The following KRT7 variants were observed in gnomAD, a reference collection of about 807,000 sequenced individuals.
KRT7 encodes the protein keratin, type II cytoskeletal 7.
In KRT7, 50 loss-of-function variants were observed where a neutral mutation model predicts 42.8. The observed-to-expected ratio is 1.17, with a 90% CI of 0.93 to 1.48. The LOEUF (loss-of-function observed/expected upper bound fraction) is 1.48. Ranked by LOEUF, KRT7 falls within the 40% of genes most tolerant of loss-of-function variation. KRT7 has a pLI of 0.00. For synonymous variants in KRT7, 268 were observed against 266.3 expected (o/e 1.01, Z -0.06); for missense variants, 588 against 637.6 (o/e 0.92, Z 0.84).
chr12:52,237,095 T>C (rs769587317), intron 2 of KRT7, among the ~76,000 whole-genome samples: 2 of 152,234 alleles, frequency 1.3e-5, no homozygotes, highest in Non-Finnish European at 2.9e-5. Flanking sequence ...TGCCTCTCTG[T>C]GTCTCTGTTC....
Position 52,248,741 on chromosome 12 carries a change from G to T in KRT7, c.1391G>T (p.Arg464Leu), listed in dbSNP as rs111432010. ...TCCATCCGGACCGCATCCGCCAGTC[G>T]CAGGAGTGCCCGCGACTGAGCCGCC... ...AYSIRTASAS[R>L]RSARD The change falls in exon 9 of 9, where the codon CGC becomes CTC. Residue 464 changes from arginine (R) to leucine (L), a missense_variant. Arg to Leu is a moderately radical substitution (Grantham distance 102, BLOSUM62 -2). Transcript: ENST00000331817. The T allele has an allele frequency of 6.3e-7, 1 of 1,583,934 alleles. No individual in the cohort carries two copies. The highest frequency in any genetic ancestry group is 8.6e-7 in the Non-Finnish European group (1 of 1,166,600).
At position 52,241,591 on chromosome 12, in the gene KRT7, G is replaced by T. The variant is rs774325458; in HGVS notation, c.813G>T (p.Met271Ile). Residue 271 changes from methionine to isoleucine, a missense_variant, in exon 5 of 9, where the codon ATG becomes ATT. Met to Ile is a conservative substitution (Grantham distance 10). Coordinates refer to ENST00000331817, the MANE Select transcript of KRT7 (RefSeq NM_005556.4). Reference sequence around the variant, plus strand: ...AGGTCAAGGCGCAGTATGAGGAGATGGCCAAATGCAGCCGGGCTGAGGCTG... The same window carrying T: ...AGGTCAAGGCGCAGTATGAGGAGATTGCCAAATGCAGCCGGGCTGAGGCTG... ...IAEVKAQYEE[M>I]AKCSRAEAEA... The T allele has an allele frequency of 2.5e-6, 4 of 1,613,278 alleles. No homozygotes were observed. In the Admixed American group the frequency reaches 6.7e-5, roughly 27 times the overall value.
chr12:52,253,544 G>A (rs1018035504), downstream of KRT7: 4 of 1,601,450 alleles, frequency 2.5e-6, no homozygotes, highest in African/African-American at 1.3e-5. Flanking sequence ...TATTTAATAG[G>A]TACCTTGCAT....
chr12:52,254,190 A>G, downstream of KRT7: 1 of 584,242 alleles, frequency 1.7e-6, no homozygotes, highest in South Asian at 1.5e-5. Flanking sequence ...CCATAGGGTC[A>G]GAAGCTGAAT....
downstream of KRT7, chr12:52,255,339 G>A (rs749540702): frequency 1.3e-5 from 6 of 456,670 alleles, no homozygotes; most frequent in African/African-American, 4.0e-5. Flanking sequence ...AAGGATTCTG[G>A]GGTCACTCAC....
rs1404451239 is a variant in KRT7 at position 52,238,696 on chromosome 12, ACATGAG to A, written c.617_622del (p.Met206_Ser207del). ...AACCCCCAGGATGTGGATGCTGCCTACATGAGCAAGGTGGAGCTGGAGGCCAAGGTG... is the reference window on the plus strand; with the variant it reads ...AACCCCCAGGATGTGGATGCTGCCTACAAGGTGGAGCTGGAGGCCAAGGTG... On this transcript the variant is annotated inframe_deletion, in exon 4 of 9. Transcript: ENST00000331817. The A allele has an allele frequency of 1.2e-6, 2 of 1,613,388 alleles. No homozygotes were observed. The highest frequency in any genetic ancestry group is 2.2e-5 in the South Asian group (2 of 91,080).
intron 3 of KRT7, 163 bp downstream of exon 3, chr12:52,237,732 G>A (rs1172314395): frequency 1.1e-5 from 4 of 362,762 alleles, no homozygotes; most frequent in East Asian, 1.4e-4. Flanking sequence ...GTGTATGTGT[G>A]TGTGTGTGTG....
chr12:52,251,835 C>A (rs1272654453), downstream of KRT7: 1 of 361,192 alleles, frequency 2.8e-6, no homozygotes, highest in African/African-American at 2.1e-5. Flanking sequence ...TTTCTTGGAA[C>A]CCAGTCATAC....
intron 7 of KRT7, chr12:52,246,300 A>G (rs1440764668): frequency 6.6e-6 from 1 of 152,386 alleles, no homozygotes; most frequent in South Asian, 2.1e-4. Flanking sequence ...TTGGCTTGTT[A>G]TAAGACACCA....
At chr12:52,242,417 AC>A (rs1942105726) in intron 5 of KRT7, among the ~76,000 whole-genome samples, 1 of 152,116 alleles carries the variant, frequency 6.6e-6, no homozygotes, top group Non-Finnish European at 1.5e-5. Context: ...CATCACATCT[AC>A]TTCATGGTGG....
intron 2 of KRT7, among the ~76,000 whole-genome samples, chr12:52,237,099 T>C (rs1226167374): frequency 6.6e-6 from 1 of 152,254 alleles, no homozygotes; most frequent in Non-Finnish European, 1.5e-5. Context: ...TCTCTGTGTC[T>C]CTGTTCCCTT....
rs150775860 is a variant in KRT7, at chr12:52,242,192, C to G, written c.858+556C>G. ...TTCACCATGCTGGCCAGGCTGGTCT[C>G]AAACTCCTGACCTCAGGTGATCCAC... On this transcript the variant is annotated intron_variant, in intron 5 of 8. Transcript: ENST00000331817. 1.7e-3 allele frequency among the ~76,000 whole-genome samples: 260 copies of G among 152,190 alleles called. 2 individuals are homozygous for G. The East Asian group carries it at 0.033, about 19-fold the overall frequency.
downstream of KRT7, chr12:52,252,555 C>T: frequency 6.5e-7 from 1 of 1,544,612 alleles, no homozygotes; most frequent in South Asian, 1.2e-5. Flanking sequence ...CCACTGACCA[C>T]TGACTAGCAG....
chr12:52,254,194 G>A (rs1942307571), downstream of KRT7: 2 of 597,398 alleles, frequency 3.3e-6, no homozygotes, highest in Admixed American at 3.9e-5. Context: ...AGGGTCAGAA[G>A]CTGAATGGTG....
downstream of KRT7, among the ~76,000 whole-genome samples, chr12:52,250,942 C>T (rs904214384): frequency 1.3e-5 from 2 of 152,224 alleles, no homozygotes; most frequent in Non-Finnish European, 2.9e-5. Context: ...GCCTACTACA[C>T]ACCTGGGCTC....
downstream of KRT7, chr12:52,252,400 C>G (rs201771630): frequency 4.4e-3 from 7,032 of 1,614,136 alleles, 60 homozygotes; most frequent in Middle Eastern, 0.029. Flanking sequence ...CCCTCCAGCT[C>G]GGCCAGCTTG....
chr12:52,233,269 C>T lies in KRT7; in HGVS notation c.-28C>T, dbSNP rs1356644179. 14 of 1,501,354 alleles carry T rather than the reference C, an allele frequency of 9.3e-6. No individual in the cohort carries two copies. Among genetic ancestry groups the T allele is most frequent in the Non-Finnish European group, 1.2e-5 (14 of 1,129,574 alleles). The allele number at this position is 1,501,354 out of a possible 1,614,324, so 93.0% of individuals were successfully genotyped here. On this transcript the variant is annotated 5_prime_UTR_variant, in exon 1 of 9. Coordinates refer to ENST00000331817, the MANE Select transcript of KRT7 (RefSeq NM_005556.4). ...GCGAGTGCGCGCTCCTCCTCGCCCG[C>T]CGCTAGGTCCATCCCGGCCCAGCCA... is the stretch of plus-strand genomic sequence containing the variant.
At chr12:52,251,350 T>G (rs572564113), downstream of KRT7, among the ~76,000 whole-genome samples, 3 of 152,314 alleles carry the variant, frequency 2.0e-5, no homozygotes, top group East Asian at 5.8e-4. Context: ...GGGCCACACA[T>G]AAAATACACT....
At chr12:52,242,741 C>T (rs1013286102) in intron 5 of KRT7, among the ~76,000 whole-genome samples, 5 of 152,082 alleles carry the variant, frequency 3.3e-5, no homozygotes, top group African/African-American at 1.2e-4. Context: ...AGTGATTCTC[C>T]AGCAGAAGGG....
Sources: gnomAD v4.1 joint callset for allele counts (sites outside exome capture counted in the v4.1 genomes callset) on GRCh38, gnomAD v4.1.1 for gene constraint, MANE v1.5 for transcripts, NCBI Gene and HGNC (gene_info 2026-07-23, HGNC 2026-07-21) for gene names.